TRPM2: variants seen among roughly 807,000 people sequenced by gnomAD.
TRPM2 encodes the protein estrogen-responsive element-associated gene 1 protein.
Under a neutral mutation model 174.0 loss-of-function variants are expected in TRPM2, and 161 were observed. The ratio of observed to expected loss-of-function variants is 0.93; its 90% confidence interval spans 0.81 to 1.05. TRPM2 has a LOEUF of 1.05. Ranked by LOEUF, TRPM2 falls within the 50% of genes least tolerant of loss-of-function variation. TRPM2 has a pLI of 0.00. For missense variants in TRPM2, 2,057 were observed against 2,038.0 expected (o/e 1.01, Z -0.18); for synonymous variants, 954 against 861.3 (o/e 1.11, Z -1.88).
intron 27 of TRPM2, among the ~76,000 whole-genome samples, chr21:44,428,463 G>A (rs1402099666): frequency 2.1e-4 from 29 of 139,884 alleles, no homozygotes; most frequent in African/African-American, 7.7e-4. Context: ...CCCCTCCCCT[G>A]ACGTGTGGCT....
intron 9 of TRPM2, among the ~76,000 whole-genome samples, chr21:44,386,035 C>A (rs2146224080): frequency 6.6e-6 from 1 of 152,200 alleles, no homozygotes; most frequent in South Asian, 2.1e-4. Context: ...TACAACATAC[C>A]CCTGAACTAA....
chr21:44,409,816 C>T (rs78238906), intron 19 of TRPM2, among the ~76,000 whole-genome samples: 26 of 146,366 alleles, frequency 1.8e-4, no homozygotes, highest in African/African-American at 4.6e-4. Flanking sequence ...AAGTTTTGAC[C>T]GCACTGTCTT....
chr21:44,355,754 CTG>C (rs1302590902), intron 2 of TRPM2, among the ~76,000 whole-genome samples: 1 of 151,992 alleles, frequency 6.6e-6, no homozygotes, highest in Non-Finnish European at 1.5e-5. Flanking sequence ...TAGAAGAAGA[CTG>C]TGTTGCCCCA....
rs372551509 is a variant in TRPM2 at position 44,441,446 on chromosome 21, C to T, written c.4387-246C>T. Among the ~76,000 whole-genome samples the T allele has an allele frequency of 5.9e-5, 9 of 152,326 alleles. No homozygotes were observed. The South Asian group carries it at 6.2e-4, about 11-fold the overall frequency. On this transcript the variant is annotated intron_variant, in intron 31 of 31. Coordinates refer to ENST00000397928, the MANE Select transcript of TRPM2 (RefSeq NM_003307.4). ...GGATGGGAAATTCCATAAATAACCC[C>T]GGGCTTTAAATGCGGGCTAAATAGC...
intron 5 of TRPM2, among the ~76,000 whole-genome samples, chr21:44,372,246 G>A (rs1159412621): frequency 6.6e-6 from 1 of 152,222 alleles, no homozygotes; most frequent in African/African-American, 2.4e-5. Context: ...GCTCACACCT[G>A]TCATCCCAAC....
Position 44,391,568 on chromosome 21 carries a change from G to GC in TRPM2, c.1741dup (p.Arg581ProfsTer44), listed in dbSNP as rs776713427. On this transcript the variant is annotated frameshift_variant, in exon 11 of 32. Coordinates refer to ENST00000397928, the MANE Select transcript of TRPM2 (RefSeq NM_003307.4). LOFTEE classifies it high-confidence loss of function. This position sits in a 1 kb window ranked among gnomAD's most constrained non-coding sequence, Gnocchi z 5.0. ...ACTTCACGCAGCCGCTTTATCCCCG[G>GC]CCCCGGCACAACGACCGGCTGCGGC... The GC allele has an allele frequency of 8.5e-5, 136 of 1,593,796 alleles. No homozygotes were observed. The highest frequency in any genetic ancestry group is 1.1e-4 in the Non-Finnish European group (133 of 1,175,698).
At chr21:44,422,270 G>A (rs1428728442) in intron 22 of TRPM2, 1 of 1,535,962 alleles carries the variant, frequency 6.5e-7, no homozygotes, top group African/African-American at 1.4e-5. Context: ...TCGCCCACAG[G>A]GCAGGGCTGG....
rs573496021 is a variant in TRPM2, at chr21:44,361,964, C to T, written c.255-2150C>T. Among the ~76,000 whole-genome samples the T allele has an allele frequency of 2.0e-5, 3 of 152,348 alleles. No individual in the cohort carries two copies. In the South Asian group the frequency reaches 6.2e-4, roughly 32 times the overall value. ...GCTCAAGCAATCTGCCCACCTTGGC[C>T]TCCCAAAGTGTTCGGATTACAGGCG... is the stretch of plus-strand genomic sequence containing the variant. On this transcript the variant is annotated intron_variant, in intron 2 of 31. Coordinates refer to ENST00000397928, the MANE Select transcript of TRPM2 (RefSeq NM_003307.4).
chr21:44,431,320 T>C lies in TRPM2; in HGVS notation c.3975-3811T>C, dbSNP rs2051014251. Among the ~76,000 whole-genome samples the C allele has an allele frequency of 5.3e-5, 8 of 152,068 alleles. 1 individual carries two copies. The highest frequency in any genetic ancestry group is 5.2e-4 in the Admixed American group (8 of 15,284). ...TTGCTCTTTTTTTTTTTTCTTTTTGTGGAGAATGAGGTCTTGCTCTATTGC... is the reference window on the plus strand; with the variant it reads ...TTGCTCTTTTTTTTTTTTCTTTTTGCGGAGAATGAGGTCTTGCTCTATTGC... On this transcript the variant is annotated intron_variant, in intron 27 of 31. Transcript: ENST00000397928.
chr21:44,391,513 T>C lies in TRPM2; in HGVS notation c.1682T>C (p.Val561Ala), dbSNP rs761139783. 1.1e-5 allele frequency: 17 copies of C among 1,609,454 alleles called. No individual in the cohort carries two copies. In the South Asian group the frequency reaches 1.9e-4, roughly 18 times the overall value. ...PAAPRLQMHH[V>A]AQVLRELLGD... ...GCGCCCCGCCTGCAGATGCACCACG[T>C]GGCCCAGGTGCTGCGGGAGCTGCTG... Residue 561 changes from valine to alanine, a missense_variant, in exon 11 of 32, where the codon GTG becomes GCG. Physicochemically the swap from Val to Ala is moderately conservative, Grantham distance 64. Coordinates refer to ENST00000397928, the MANE Select transcript of TRPM2 (RefSeq NM_003307.4). The surrounding 1 kb of genome is among the most constrained non-coding windows in gnomAD (Gnocchi z 5.0).
chr21:44,381,952 GGATAGATAGATAGATAGATA>G (rs71197895), intron 8 of TRPM2, among the ~76,000 whole-genome samples: 198 of 143,570 alleles, frequency 1.4e-3, no homozygotes, highest in African/African-American at 3.4e-3. Context: ...ATAGATAGAT[GGATAGATAGATAGATAGATA>G]GATAGATAGA....
chr21:44,371,319 T>A (rs2048535376), intron 5 of TRPM2, among the ~76,000 whole-genome samples: 1 of 128,954 alleles, frequency 7.8e-6, no homozygotes, highest in Admixed American at 7.8e-5. Context: ...CTCCCTCCAG[T>A]GTCTGCCTCC....
upstream of TRPM2, chr21:44,350,403 G>C (rs1251185262): frequency 6.6e-6 from 1 of 151,224 alleles, no homozygotes. Context: ...GTGCGTGCAG[G>C]GGTGCGGGGT....
chr21:44,406,460 C>A, intron 18 of TRPM2, 134 bp from the exon 19 acceptor site: 1 of 1,127,892 alleles, frequency 8.9e-7, no homozygotes, highest in Non-Finnish European at 1.2e-6. Context: ...CCCAGGACTG[C>A]TCCTGGGAGC....
rs1450641832 is a variant in TRPM2, at chr21:44,366,182, G to T, written c.424-572G>T. Among the ~76,000 whole-genome samples, 1 of 152,122 alleles carries T rather than the reference G, an allele frequency of 6.6e-6. No individual in the cohort carries two copies. Among genetic ancestry groups the T allele is most frequent in the Non-Finnish European group, 1.5e-5 (1 of 68,032 alleles). Reference sequence around the variant, plus strand: ...CTGGGAGAGCCGTGTTCAGACGGGAGGCAGAGGAAGCTGGGCCCACTGAGT... The same window carrying T: ...CTGGGAGAGCCGTGTTCAGACGGGATGCAGAGGAAGCTGGGCCCACTGAGT... On this transcript the variant is annotated intron_variant, in intron 3 of 31. Transcript: ENST00000397928. The surrounding 1 kb of genome is among the most constrained non-coding windows in gnomAD (Gnocchi z 6.0).
intron 11 of TRPM2, among the ~76,000 whole-genome samples, chr21:44,393,341 A>G (rs1488420831): frequency 6.6e-6 from 1 of 152,174 alleles, no homozygotes; most frequent in Admixed American, 6.5e-5. Flanking sequence ...GAATTTGGTG[A>G]ATTATTTTAA....
At position 44,405,926 on chromosome 21, in the gene TRPM2, CCCCGGGCGCGTCATCCTCT is replaced by C. The variant is rs1569075875; in HGVS notation, c.2681_2699del (p.Pro894LeufsTer28). 6.2e-7 allele frequency: 1 copy of C among 1,605,450 alleles called. No individual in the cohort carries two copies. The highest frequency in any genetic ancestry group is 8.5e-7 in the Non-Finnish European group (1 of 1,179,654). On this transcript the variant is annotated frameshift_variant, in exon 18 of 32. Transcript: ENST00000397928. LOFTEE classifies it high-confidence loss of function. ...CCAGGCTCATCCCGGCGACGCTGTA[CCCCGGGCGCGTCATCCTCT>C]CTCTGGACTTCATCCTGTTCTGCCT...
chr21:44,377,859 C>CA, intron 7 of TRPM2, 86 bp downstream of exon 7: 1 of 1,475,906 alleles, frequency 6.8e-7, no homozygotes, highest in Non-Finnish European at 9.3e-7. Flanking sequence ...TCTCAGAACT[C>CA]AAGACTGTTG....
At chr21:44,380,399 G>A (rs2048844619) in intron 8 of TRPM2, among the ~76,000 whole-genome samples, 1 of 152,184 alleles carries the variant, frequency 6.6e-6, no homozygotes, top group African/African-American at 2.4e-5. Context: ...GGTGCCATTG[G>A]GACTTGTCGG....
Sources: allele counts gnomAD v4.1 joint callset (sites outside exome capture counted in the v4.1 genomes callset), GRCh38; gene constraint gnomAD v4.1.1; non-coding constraint Gnocchi (gnomAD v3.1); transcripts MANE v1.5; gene names NCBI Gene and HGNC (gene_info 2026-07-23, HGNC 2026-07-21).